The following UTRN variants were observed in gnomAD, a reference collection of about 807,000 sequenced individuals.
The protein encoded by UTRN is utrophin.
A neutral mutation model predicts 463.9 loss-of-function variants in UTRN; 283 were observed. The observed-to-expected ratio is 0.61, with a 90% CI of 0.55 to 0.67. UTRN has a LOEUF of 0.67. UTRN is among the 30% of genes least tolerant of loss of function. The probability of loss-of-function intolerance (pLI) is 0.00; values close to 1 mark genes in which losing one functional copy is unlikely to be tolerated. For missense variants in UTRN, 3,922 were observed against 4,084.3 expected (o/e 0.96, Z 1.08); for synonymous variants, 1,442 against 1,431.5 (o/e 1.01, Z -0.17).
intron 62 of UTRN, among the ~76,000 whole-genome samples, chr6:144,791,008 T>C (rs1776711806): frequency 6.6e-6 from 1 of 152,224 alleles, no homozygotes. Context: ...ATCCAGGAAG[T>C]ATGCCATTTT....
chr6:144,806,864 A>C (rs1778194892), intron 65 of UTRN, among the ~76,000 whole-genome samples: 6 of 102,122 alleles, frequency 5.9e-5, no homozygotes, highest in African/African-American at 1.0e-4. Context: ...GAAAAATATA[A>C]ATGCAAGTAT....
At chr6:144,695,931 A>G (rs1040238769) in intron 52 of UTRN, among the ~76,000 whole-genome samples, 4 of 152,256 alleles carry the variant, frequency 2.6e-5, no homozygotes, top group African/African-American at 7.2e-5. Flanking sequence ...ATTTATCAGC[A>G]TAATGATGTT....
intron 2 of UTRN, among the ~76,000 whole-genome samples, chr6:144,301,545 T>C (rs1429280832): frequency 1.5e-5 from 2 of 129,548 alleles, no homozygotes; most frequent in East Asian, 3.0e-4. Context: ...TCTTTTTTTT[T>C]TTTTTTTTTT....
chr6:144,292,188 C>T (rs191211929), intron 2 of UTRN, among the ~76,000 whole-genome samples: 7 of 152,216 alleles, frequency 4.6e-5, no homozygotes, highest in Admixed American at 1.3e-4. Flanking sequence ...AAATAAAATA[C>T]GACCGAACAT....
intron 69 of UTRN, among the ~76,000 whole-genome samples, chr6:144,833,090 G>A (rs1415620248): frequency 6.6e-6 from 1 of 152,168 alleles, no homozygotes; most frequent in Non-Finnish European, 1.5e-5. Context: ...AAAGTGCTGG[G>A]ATTACAGGCG....
intron 14 of UTRN, among the ~76,000 whole-genome samples, chr6:144,446,540 C>G (rs1181676948): frequency 6.6e-6 from 1 of 152,232 alleles, no homozygotes; most frequent in Non-Finnish European, 1.5e-5. Flanking sequence ...CACAATGTAG[C>G]TACGGTTGTT....
intron 51 of UTRN, among the ~76,000 whole-genome samples, chr6:144,637,291 A>G (rs1281908345): frequency 6.6e-6 from 1 of 152,186 alleles, no homozygotes; most frequent in Non-Finnish European, 1.5e-5. Context: ...GATTTCTATC[A>G]TATTGTGATG....
intron 2 of UTRN, among the ~76,000 whole-genome samples, chr6:144,371,358 T>C (rs1779968890): frequency 6.6e-6 from 1 of 152,216 alleles, no homozygotes; most frequent in African/African-American, 2.4e-5. Context: ...ACCATGAACC[T>C]AATTCTACAG....
chr6:144,631,620 G>C (rs1381392544), intron 51 of UTRN, among the ~76,000 whole-genome samples: 1 of 152,192 alleles, frequency 6.6e-6, no homozygotes, highest in African/African-American at 2.4e-5. Flanking sequence ...CAAGGATGTT[G>C]AGAGAGGTGC....
chr6:144,418,762 C>T (rs931625430), intron 3 of UTRN, among the ~76,000 whole-genome samples: 8 of 151,904 alleles, frequency 5.3e-5, no homozygotes, highest in African/African-American at 1.9e-4. Flanking sequence ...CCACATTGGC[C>T]AGGCTGGTCT....
At chr6:144,434,161 C>T (rs1306832528) in intron 9 of UTRN, among the ~76,000 whole-genome samples, 4 of 152,332 alleles carry the variant, frequency 2.6e-5, no homozygotes, top group East Asian at 3.9e-4. Context: ...GCCAACACAG[C>T]GAAACCCCGT....
intron 2 of UTRN, among the ~76,000 whole-genome samples, chr6:144,354,001 A>C (rs1778341212): frequency 6.6e-6 from 1 of 152,346 alleles, no homozygotes; most frequent in East Asian, 1.9e-4. Context: ...TTTTAAACTT[A>C]AGGATTCTAC....
chr6:144,566,918 A>T (rs928793082), intron 50 of UTRN, among the ~76,000 whole-genome samples: 1 of 152,090 alleles, frequency 6.6e-6, no homozygotes, highest in Non-Finnish European at 1.5e-5. Context: ...AGGCTGAGGC[A>T]GGTGAATCGC....
intron 2 of UTRN, among the ~76,000 whole-genome samples, chr6:144,294,060 AC>A (rs1288714837): frequency 6.6e-6 from 1 of 151,806 alleles, no homozygotes; most frequent in Non-Finnish European, 1.5e-5. Context: ...TGAGATTATT[AC>A]TTTTTTTTTT....
chr6:144,624,892 A>C (rs1174992023), intron 51 of UTRN, among the ~76,000 whole-genome samples: 1 of 152,206 alleles, frequency 6.6e-6, no homozygotes, highest in Non-Finnish European at 1.5e-5. Context: ...GAATACGTTG[A>C]GGGAGTAATG....
intron 52 of UTRN, among the ~76,000 whole-genome samples, chr6:144,696,201 A>T (rs545189475): frequency 6.6e-6 from 1 of 151,878 alleles, no homozygotes; most frequent in East Asian, 1.9e-4. Context: ...TGAAACTACT[A>T]AATTTTTTTT....
chr6:144,347,701 T>C (rs1433301126), intron 2 of UTRN, among the ~76,000 whole-genome samples: 2 of 152,042 alleles, frequency 1.3e-5, no homozygotes, highest in South Asian at 2.1e-4. Context: ...GGCAGTGGTG[T>C]CCTTATGAGG....
intron 2 of UTRN, among the ~76,000 whole-genome samples, chr6:144,347,564 G>C (rs1198100681): frequency 1.3e-5 from 2 of 152,228 alleles, no homozygotes; most frequent in Non-Finnish European, 2.9e-5. Flanking sequence ...TGATGTAGGA[G>C]AGTGTGCTAT....
At chr6:144,761,035 C>G (rs1482384611) in intron 58 of UTRN, among the ~76,000 whole-genome samples, 1 of 152,126 alleles carries the variant, frequency 6.6e-6, no homozygotes, top group African/African-American at 2.4e-5. Flanking sequence ...TTGAAGTGCA[C>G]TGCGGTGGCT....
Sources: gnomAD v4.1 joint callset for allele counts (sites outside exome capture counted in the v4.1 genomes callset) on GRCh38, gnomAD v4.1.1 for gene constraint, MANE v1.5 for transcripts, NCBI Gene and HGNC (gene_info 2026-07-23, HGNC 2026-07-21) for gene names.